Variants in FMNL2 observed in about 807,000 individuals in gnomAD.
The protein encoded by FMNL2 is formin-like protein 2.
In FMNL2, 51 loss-of-function variants were observed where a neutral mutation model predicts 130.2. The ratio of observed to expected loss-of-function variants is 0.39; its 90% CI spans 0.31 to 0.49. The LOEUF is 0.49. Among genes scored for constraint, FMNL2 ranks in the 20% least tolerant of loss-of-function variants. The probability of loss-of-function intolerance (pLI) is 0.85; values close to 1 mark genes in which losing one functional copy is unlikely to be tolerated. For missense variants in FMNL2, 977 were observed against 1,316.2 expected, an observed-to-expected ratio of 0.74 and a Z score of 3.99; for synonymous variants, 465 against 467.1, an observed-to-expected ratio of 1.00 and a Z score of 0.06.
chr2:152,611,426 G>A, intron 10 of FMNL2, 69 bp from the exon 11 acceptor site: 1 of 746,482 alleles, frequency 1.3e-6, no homozygotes, highest in Non-Finnish European at 2.2e-6. Flanking sequence ...GAAATTGAAA[G>A]CACATGTCTG....
chr2:152,624,817 A>G (rs1449654945), intron 15 of FMNL2, among the ~76,000 whole-genome samples: 1 of 152,218 alleles, frequency 6.6e-6, no homozygotes, highest in Non-Finnish European at 1.5e-5. Flanking sequence ...AGCCCGGGTG[A>G]CAGAGCAAGA....
intron 1 of FMNL2, among the ~76,000 whole-genome samples, chr2:152,365,505 C>T (rs1683468456): frequency 6.6e-6 from 1 of 151,928 alleles, no homozygotes; most frequent in Non-Finnish European, 1.5e-5. Flanking sequence ...GGCGTGGTGG[C>T]TCATGTCTGT....
At chr2:152,606,685 A>G (rs1360544633) in intron 9 of FMNL2, among the ~76,000 whole-genome samples, 2 of 138,574 alleles carry the variant, frequency 1.4e-5, no homozygotes, top group East Asian at 4.1e-4. Context: ...GTATATGCAA[A>G]TACCTTTGGG....
In FMNL2 at chr2:152,430,935, CT is replaced by C. The variant is rs768308756; in HGVS notation, c.118-91003del. Reference sequence around the variant, plus strand: ...CTGGAATTATGCCCTCCCCTCCCCCCTTTTTATTTTTGCTGATTGATGTTTA... The same window carrying C: ...CTGGAATTATGCCCTCCCCTCCCCCCTTTTATTTTTGCTGATTGATGTTTA... On this transcript the variant is annotated intron_variant, in intron 1 of 25. Transcript: ENST00000288670. Among the ~76,000 whole-genome samples, 11 of 152,134 alleles carry C rather than the reference CT, an allele frequency of 7.2e-5. No homozygotes were observed. In the East Asian group the frequency reaches 2.1e-3, roughly 29 times the overall value.
chr2:152,603,618 A>G (rs1454258264), intron 9 of FMNL2, among the ~76,000 whole-genome samples: 1 of 150,736 alleles, frequency 6.6e-6, no homozygotes, highest in Non-Finnish European at 1.5e-5. Flanking sequence ...TCTATATTTG[A>G]TGCCATCTTT....
At chr2:152,395,765 G>A (rs369193355) in intron 1 of FMNL2, among the ~76,000 whole-genome samples, 217 of 152,102 alleles carry the variant, frequency 1.4e-3, no homozygotes, top group Non-Finnish European at 2.2e-3. Flanking sequence ...AGCCTTTAAC[G>A]GAAGACAGTT....
chr2:152,578,589 T>A (rs1696603432), intron 7 of FMNL2: 1 of 64,154 alleles, frequency 1.6e-5, no homozygotes, highest in Non-Finnish European at 3.1e-5. Context: ...CATTGCCGAT[T>A]TTTTTTTTTT....
intron 1 of FMNL2, among the ~76,000 whole-genome samples, chr2:152,502,904 G>A (rs1337877152): frequency 6.6e-6 from 1 of 152,094 alleles, no homozygotes; most frequent in African/African-American, 2.4e-5. Flanking sequence ...GGAGGTTGGA[G>A]GTTGGAAGAG....
intron 2 of FMNL2, among the ~76,000 whole-genome samples, chr2:152,526,451 C>G (rs1693389768): frequency 6.6e-6 from 1 of 152,162 alleles, no homozygotes; most frequent in Admixed American, 6.5e-5. Context: ...TTCCCAAGTT[C>G]CAGGCTTTGA....
chr2:152,593,900 TGTGAGA>T (rs753168016), intron 9 of FMNL2, among the ~76,000 whole-genome samples: 826 of 80,762 alleles, frequency 0.01, no homozygotes, highest in Non-Finnish European at 0.018. Flanking sequence ...TGTGTGTGTG[TGTGAGA>T]GAGAGAGAGA....
chr2:152,641,741 A>G, intron 25 of FMNL2, among the ~76,000 whole-genome samples: 1 of 152,224 alleles, frequency 6.6e-6, no homozygotes, highest in East Asian at 1.9e-4. Flanking sequence ...CCAACCCTTG[A>G]CAACCAAGAC....
At chr2:152,389,955 C>A in intron 1 of FMNL2, 1 of 1,294,860 alleles carries the variant, frequency 7.7e-7, no homozygotes, top group Non-Finnish European at 1.1e-6. Flanking sequence ...AGTCAGAGAC[C>A]TCGGGGCCCC....
intron 1 of FMNL2, among the ~76,000 whole-genome samples, chr2:152,444,091 A>C (rs780194342): frequency 7.2e-5 from 11 of 152,168 alleles, no homozygotes; most frequent in Non-Finnish European, 1.5e-4. Context: ...ATGGGTTAGG[A>C]GGGTCAGGAC....
intron 9 of FMNL2, among the ~76,000 whole-genome samples, chr2:152,587,562 T>C (rs146120294): frequency 6.6e-6 from 1 of 152,388 alleles, no homozygotes; most frequent in African/African-American, 2.4e-5. Context: ...TTTTTAATTC[T>C]TTCATGTGAA....
chr2:152,404,066 C>CAATA (rs1323507897), intron 1 of FMNL2, among the ~76,000 whole-genome samples: 5 of 152,132 alleles, frequency 3.3e-5, no homozygotes, highest in South Asian at 4.1e-4. Context: ...GACTCCGTCT[C>CAATA]AATAAATAAA....
chr2:152,487,456 C>T (rs1380767660), intron 1 of FMNL2, among the ~76,000 whole-genome samples: 1 of 152,150 alleles, frequency 6.6e-6, no homozygotes, highest in Non-Finnish European at 1.5e-5. Context: ...AGTTTAGTGT[C>T]TCCAAGTAAA....
intron 1 of FMNL2, among the ~76,000 whole-genome samples, chr2:152,336,743 G>A (rs1270674778): frequency 6.6e-6 from 1 of 152,130 alleles, no homozygotes; most frequent in African/African-American, 2.4e-5. Context: ...GACACACACA[G>A]GCGAGATTGG....
intron 1 of FMNL2, among the ~76,000 whole-genome samples, chr2:152,479,014 T>A (rs970021250): frequency 6.6e-6 from 1 of 152,200 alleles, no homozygotes; most frequent in South Asian, 2.1e-4. Context: ...ATAGGTGAAA[T>A]AATTGAAAGT....
chr2:152,358,682 A>G (rs1008587152), intron 1 of FMNL2, among the ~76,000 whole-genome samples: 1 of 151,826 alleles, frequency 6.6e-6, no homozygotes, highest in Non-Finnish European at 1.5e-5. Context: ...ATGTATACAT[A>G]TATCCTATTA....
Sources: gnomAD v4.1 joint callset for allele counts (sites outside exome capture counted in the v4.1 genomes callset) on GRCh38, gnomAD v4.1.1 for gene constraint, MANE v1.5 for transcripts, NCBI Gene and HGNC (gene_info 2026-07-23, HGNC 2026-07-21) for gene names.